Variants in KLHL6 observed in about 807,000 individuals in gnomAD.
KLHL6 encodes kelch like family member 6.
KLHL6 carries 41 observed loss-of-function variants against 58.6 expected under a neutral mutation model. The ratio of observed to expected loss-of-function variants is 0.70; its 90% CI spans 0.55 to 0.91. The LOEUF (loss-of-function observed/expected upper bound fraction) is 0.91, where lower values mean the gene tolerates loss of function less well. Ranked by LOEUF, KLHL6 falls within the 40% of genes least tolerant of loss-of-function variation. The pLI is 0.00. For synonymous variants in KLHL6, 338 were observed against 322.7 expected (o/e 1.05, Z -0.51); for missense variants, 714 against 805.6 (o/e 0.89, Z 1.38).
Position 183,489,078 on chromosome 3 carries a change from A to C in KLHL6, c.*2849T>G, listed in dbSNP as rs1717473071. The C allele has an allele frequency of 6.6e-6, 1 of 152,134 alleles. No homozygotes were observed. The highest frequency in any genetic ancestry group is 2.1e-4 in the South Asian group (1 of 4,826). 9.4% of individuals were successfully genotyped at this position (152,134 alleles called of 1,614,324 possible). The stretch of plus-strand genomic sequence containing the variant: ...TATAGCACAGAAATCCCAAATCCTC[A>C]CTTTCCCAGCATAGGGTTGACCTGC... On this transcript the variant is annotated 3_prime_UTR_variant, in exon 7 of 7. Transcript: ENST00000341319.
chr3:183,544,962 C>T (rs2108696024), intron 1 of KLHL6, among the ~76,000 whole-genome samples: 1 of 152,210 alleles, frequency 6.6e-6, no homozygotes, highest in Non-Finnish European at 1.5e-5. Context: ...GAGAAAGTCC[C>T]TCATTTTCCC....
intron 1 of KLHL6, among the ~76,000 whole-genome samples, chr3:183,529,120 G>A (rs1168867568): frequency 6.6e-6 from 1 of 152,116 alleles, no homozygotes; most frequent in Non-Finnish European, 1.5e-5. Flanking sequence ...ACACATAGAG[G>A]GGAACAACAC....
rs777383721 is a variant in KLHL6, at chr3:183,499,620, C to T, written c.1117G>A (p.Val373Met). The change falls in exon 4 of 7, where the codon GTG becomes ATG. Residue 373 changes from valine (V) to methionine (M), a missense_variant. Transcript: ENST00000341319. The surrounding 1 kb of genome is among the most constrained non-coding windows in gnomAD (Gnocchi z 4.6). Reference protein sequence around the residue: ...ENKKWVEFACVTLKNEVYISG... With the variant: ...ENKKWVEFACMTLKNEVYISG... ...ATGTAGACCTCATTTTTCAATGTCA[C>T]GCATGCAAACTCCACCCACTTCTTA... 21 of 1,602,596 alleles carry T rather than the reference C, an allele frequency of 1.3e-5. No individual in the cohort carries two copies. The highest frequency in any genetic ancestry group is 6.8e-5 in the South Asian group (6 of 88,632).
In KLHL6 at chr3:183,525,260, TAA is replaced by T. The variant is rs144357979; in HGVS notation, c.459+2583_459+2584del. On this transcript the variant is annotated intron_variant, in intron 2 of 6. Transcript: ENST00000341319. ...GCCTGGGCAACAGAGTGAGACTCTC[TAA>T]AAAAAAAACACACACACACACACAC... Among the ~76,000 whole-genome samples the T allele has an allele frequency of 2.4e-4, 35 of 143,898 alleles. 1 individual carries two copies. The highest frequency in any genetic ancestry group is 4.1e-4 in the African/African-American group (16 of 38,906). 94.4% of individuals were successfully genotyped at this position (143,898 alleles called of 152,430 possible). A position where few individuals can be genotyped will look rare whatever the true frequency, so the allele number is the denominator to read the frequency against.
chr3:183,555,628 G>C lies in KLHL6; in HGVS notation c.26C>G (p.Ala9Gly), dbSNP rs201944986. The change falls in exon 1 of 7, where the codon GCC (alanine) becomes GGC (glycine). Residue 9 changes from alanine (A) to glycine (G), a missense_variant. Physicochemically the swap from Ala to Gly is moderately conservative, Grantham distance 60. Transcript: ENST00000341319. ...CTCGACCACATCACCCATGGTCCAG[G>C]CGCCCCTTTGTCCTGCCATCAACAT... Reference protein sequence around the residue: MLMAGQRGAWTMGDVVEKS... With the variant: MLMAGQRGGWTMGDVVEKS... 222 of 1,605,340 alleles carry C rather than the reference G, an allele frequency of 1.4e-4. 1 individual carries two copies. Among genetic ancestry groups the C allele is most frequent in the Middle Eastern group, 8.5e-4 (5 of 5,888 alleles).
chr3:183,531,114 G>A (rs779164195), intron 1 of KLHL6, among the ~76,000 whole-genome samples: 15 of 152,026 alleles, frequency 9.9e-5, no homozygotes, highest in Non-Finnish European at 1.9e-4. Context: ...GATTACAGGC[G>A]TGAGACACTG....
rs749942087 is a variant in KLHL6 at position 183,555,446 on chromosome 3, C to G, written c.208G>C (p.Ala70Pro). ...NGLETLRMEN[A>P]LTDVILCVDI... ...ACACACAAGATGACATCTGTCAGAG[C>G]GTTTTCCATTCGCAGGGTTTCCAGG... Residue 70 changes from alanine to proline, a missense_variant, in exon 1 of 7, where the codon GCT becomes CCT. Physicochemically the swap from Ala to Pro is conservative, Grantham distance 27. Transcript: ENST00000341319. 2.5e-6 allele frequency: 4 copies of G among 1,613,968 alleles called. No homozygotes were observed. The highest frequency in any genetic ancestry group is 1.7e-5 in the Admixed American group (1 of 59,994).
chr3:183,490,508 T>A lies in KLHL6; in HGVS notation c.*1419A>T, dbSNP rs1717512376. 7.2e-6 allele frequency: 1 copy of A among 139,176 alleles called. No individual in the cohort carries two copies. Among genetic ancestry groups the A allele is most frequent in the African/African-American group, 2.9e-5 (1 of 33,986 alleles). The allele number at this position is 139,176 out of a possible 1,614,324, so 8.6% of individuals were successfully genotyped here. ...CGGTCCAAAATGGGCCATCTTATGA[T>A]CATTTAAAAAAAAAAAGACCGGGCC... On this transcript the variant is annotated 3_prime_UTR_variant, in exon 7 of 7. Transcript: ENST00000341319.
intron 1 of KLHL6, among the ~76,000 whole-genome samples, chr3:183,534,399 T>TTTTG (rs201435224): frequency 0.018 from 2,667 of 152,084 alleles, 69 homozygotes; most frequent in African/African-American, 0.06. Flanking sequence ...TCACCACATT[T>TTTTG]TTTGTTTGTT....
chr3:183,518,350 A>G (rs2108680054), intron 2 of KLHL6, among the ~76,000 whole-genome samples: 1 of 152,300 alleles, frequency 6.6e-6, no homozygotes, highest in South Asian at 2.1e-4. Flanking sequence ...CCACAGAGAC[A>G]TGGTCAACAT....
chr3:183,497,101 G>GC (rs1348513729), intron 4 of KLHL6, among the ~76,000 whole-genome samples: 1 of 151,876 alleles, frequency 6.6e-6, no homozygotes, highest in Non-Finnish European at 1.5e-5. Context: ...AATATGGTGA[G>GC]CCCCCCACCT....
At chr3:183,508,723 C>T (rs953722779) in intron 2 of KLHL6, among the ~76,000 whole-genome samples, 1 of 151,732 alleles carries the variant, frequency 6.6e-6, no homozygotes, top group Non-Finnish European at 1.5e-5. Context: ...TTCATACAGT[C>T]GACAAAACAA....
At position 183,555,637 on chromosome 3, in the gene KLHL6, T is replaced by C; in HGVS notation, c.17A>G (p.Gln6Arg). 1 of 1,597,158 alleles carries C rather than the reference T, an allele frequency of 6.3e-7. No individual in the cohort carries two copies. The highest frequency in any genetic ancestry group is 1.4e-5 in the African/African-American group (1 of 74,030). MLMAG[Q>R]RGAWTMGDVV... Reference sequence around the variant, plus strand: ...ATCACCCATGGTCCAGGCGCCCCTTTGTCCTGCCATCAACATCGAGACTGA... The same window carrying C: ...ATCACCCATGGTCCAGGCGCCCCTTCGTCCTGCCATCAACATCGAGACTGA... Residue 6 changes from glutamine to arginine, a missense_variant, in exon 1 of 7, where the codon CAA becomes CGA. Physicochemically the swap from Gln to Arg is conservative, Grantham distance 43. Coordinates refer to ENST00000341319, the MANE Select transcript of KLHL6 (RefSeq NM_130446.4).
chr3:183,541,283 T>C (rs1301277658), intron 1 of KLHL6, among the ~76,000 whole-genome samples: 1 of 152,178 alleles, frequency 6.6e-6, no homozygotes, highest in Non-Finnish European at 1.5e-5. Context: ...GGCCTGTCCC[T>C]TGGGCTTTCA....
Position 183,555,431 on chromosome 3 carries a change from T to C in KLHL6, c.223A>G (p.Ile75Val). 1 of 1,614,144 alleles carries C rather than the reference T, an allele frequency of 6.2e-7. No homozygotes were observed. The highest frequency in any genetic ancestry group is 8.5e-7 in the Non-Finnish European group (1 of 1,179,992). The change falls in exon 1 of 7, where the codon ATC becomes GTC. Residue 75 changes from isoleucine (I) to valine (V), a missense_variant. By Grantham distance (29) the Ile-to-Val change is conservative. Transcript: ENST00000341319. Reference sequence around the variant, plus strand: ...AATTCCTGAATGTCCACACACAAGATGACATCTGTCAGAGCGTTTTCCATT... The same window carrying C: ...AATTCCTGAATGTCCACACACAAGACGACATCTGTCAGAGCGTTTTCCATT... ...LRMENALTDV[I>V]LCVDIQEFSC... is the part of the protein sequence containing the mutation.
Position 183,492,051 on chromosome 3 carries a change from G to A in KLHL6, c.1742C>T (p.Pro581Leu), listed in dbSNP as rs1012832935. 3.1e-6 allele frequency: 5 copies of A among 1,613,870 alleles called. No homozygotes were observed. The highest frequency in any genetic ancestry group is 1.3e-5 in the African/African-American group (1 of 74,938). ...CTCCTCTGTCAGTTTCTGGGCCTCG[G>A]GGTCCCAGCACAGCACCGTGGCGAT... is the stretch of plus-strand genomic sequence containing the variant. ...EVIATVLCWD[P>L]EAQKLTEECV... Residue 581 changes from proline (P) to leucine (L), a missense_variant, in exon 7 of 7, where the codon CCC becomes CTC. Physicochemically the swap from Pro to Leu is moderately conservative, Grantham distance 98. Transcript: ENST00000341319. This position sits in a 1 kb window ranked among gnomAD's most constrained non-coding sequence, Gnocchi z 5.9.
intron 3 of KLHL6, among the ~76,000 whole-genome samples, chr3:183,507,195 A>T (rs149013555): frequency 6.6e-6 from 1 of 152,294 alleles, no homozygotes; most frequent in East Asian, 1.9e-4. Flanking sequence ...AGATGATCAG[A>T]CTTGAGTTTC....
At chr3:183,538,178 A>G (rs1712427424) in intron 1 of KLHL6, among the ~76,000 whole-genome samples, 1 of 152,170 alleles carries the variant, frequency 6.6e-6, no homozygotes, top group African/African-American at 2.4e-5. Context: ...CATTCAACGT[A>G]CCTGCACTAC....
rs143461965 is a variant in KLHL6, at chr3:183,492,446, G to C, written c.1564+48C>G. ...CACCGTTTACGTGCTGCAGCCAGGC[G>C]CTCATCAGGTTCTAAGCCATTCAGA... On this transcript the variant is annotated intron_variant, in intron 6 of 6. Coordinates refer to ENST00000341319, the MANE Select transcript of KLHL6 (RefSeq NM_130446.4). This position sits in a 1 kb window ranked among gnomAD's most constrained non-coding sequence, Gnocchi z 5.9. The C allele has an allele frequency of 2.5e-6, 4 of 1,590,282 alleles. No individual in the cohort carries two copies. The highest frequency in any genetic ancestry group is 3.5e-6 in the Non-Finnish European group (4 of 1,159,036).
Sources: gnomAD v4.1 joint callset for allele counts (sites outside exome capture counted in the v4.1 genomes callset) on GRCh38, gnomAD v4.1.1 for gene constraint, Gnocchi (gnomAD v3.1) non-coding constraint, MANE v1.5 for transcripts, NCBI Gene and HGNC (gene_info 2026-07-23, HGNC 2026-07-21) for gene names.